The following HIF1A variants were observed in gnomAD, a reference collection of about 807,000 sequenced individuals.
HIF1A encodes the protein hypoxia inducible factor 1 subunit alpha, also known as hypoxia-inducible factor 1-alpha.
HIF1A carries 24 observed loss-of-function variants against 92.7 expected under a neutral mutation model. The observed-to-expected ratio is 0.26, with a 90% CI of 0.19 to 0.36. The LOEUF (loss-of-function observed/expected upper bound fraction) is 0.36. Among genes scored for constraint, HIF1A ranks in the 10% least tolerant of loss-of-function variants. The probability of loss-of-function intolerance (pLI) is 1.00; values close to 1 mark genes in which losing one functional copy is unlikely to be tolerated. For missense variants in HIF1A, 799 were observed against 998.5 expected (o/e 0.80, Z 2.69); for synonymous variants, 319 against 338.7 (o/e 0.94, Z 0.64).
intron 6 of HIF1A, 87 bp from the exon 7 acceptor site, chr14:61,732,331 T>C (rs2044585900): frequency 5.2e-6 from 4 of 763,776 alleles, no homozygotes; most frequent in African/African-American, 1.7e-5. Flanking sequence ...ATAAGATTAA[T>C]GCCTATCAGT....
At chr14:61,697,925 A>T in intron 1 of HIF1A, 1 of 1,520,034 alleles carries the variant, frequency 6.6e-7, no homozygotes. Flanking sequence ...CAAAACCTGA[A>T]GAATTGGAAG....
chr14:61,702,528 A>G (rs549506624), intron 1 of HIF1A, among the ~76,000 whole-genome samples: 14 of 151,668 alleles, frequency 9.2e-5, no homozygotes, highest in African/African-American at 3.4e-4. Context: ...AAGTTAAAGA[A>G]TCTCCTTTGA....
intron 1 of HIF1A, among the ~76,000 whole-genome samples, chr14:61,696,346 G>A (rs570028652): frequency 3.9e-5 from 6 of 152,376 alleles, no homozygotes; most frequent in African/African-American, 1.4e-4. Flanking sequence ...AGTGGACTTG[G>A]GGCCTTGAGT....
chr14:61,738,621 C>T (rs1029348861), intron 10 of HIF1A, among the ~76,000 whole-genome samples: 1 of 152,128 alleles, frequency 6.6e-6, no homozygotes, highest in Admixed American at 6.5e-5. Flanking sequence ...GTGAAACGTA[C>T]ATTGTTTCTC....
rs202183359 is a variant in HIF1A, at chr14:61,736,925, A to T, written c.1065A>T (p.Gln355His). The T allele has an allele frequency of 1.6e-4, 259 of 1,613,998 alleles. No individual in the cohort carries two copies. Among genetic ancestry groups the T allele is most frequent in the Admixed American group, 3.5e-4 (21 of 60,018 alleles). Residue 355 changes from glutamine to histidine, a missense_variant, in exon 9 of 15, where the codon CAA becomes CAT. Around this residue, in one of 2 missense-constraint regions of HIF1A, gnomAD observed 516 missense variants for 721.0 expected, o/e 0.72. Coordinates refer to ENST00000337138, the MANE Select transcript of HIF1A (RefSeq NM_001530.4). ...AGCACGACTTGATTTTCTCCCTTCA[A>T]CAAACAGAATGTGTCCTTAAACCGG... ...IIQHDLIFSL[Q>H]QTECVLKPVE... is the part of the protein sequence containing the mutation.
At chr14:61,724,349 T>TTCTCCCTCTCTC (rs2044472634) in intron 4 of HIF1A, among the ~76,000 whole-genome samples, 1 of 96,096 alleles carries the variant, frequency 1.0e-5, no homozygotes, top group African/African-American at 3.4e-5. Flanking sequence ...CACACACACA[T>TTCTCCCTCTCTC]TCTCTCTCTC....
intron 1 of HIF1A, among the ~76,000 whole-genome samples, chr14:61,718,090 G>T (rs571226002): frequency 1.3e-5 from 2 of 151,824 alleles, no homozygotes; most frequent in East Asian, 3.9e-4. Context: ...TTTCATTTGG[G>T]TAGTCATTTA....
rs138451482 is a variant in HIF1A, at chr14:61,738,260, G to T, written c.1423G>T (p.Ala475Ser). ...SADPALNQEV[A>S]LKLEPNPESL... ...TGACCCTGCACTCAATCAAGAAGTT[G>T]CATTAAAATTAGAACCAAATCCAGA... The change falls in exon 10 of 15, where the codon GCA becomes TCA. Residue 475 changes from alanine (A) to serine (S), a missense_variant. Ala to Ser is a moderately conservative substitution (Grantham distance 99, BLOSUM62 1). Transcript: ENST00000337138. 7.0e-4 allele frequency: 1,137 copies of T among 1,614,130 alleles called. 1 individual carries two copies. Among genetic ancestry groups the T allele is most frequent in the Admixed American group, 9.5e-4 (57 of 60,016 alleles).
Position 61,695,733 on chromosome 14 carries a change from G to A in HIF1A, c.-72G>A, listed in dbSNP as rs191035204. The A allele has an allele frequency of 1.5e-3, 2,266 of 1,507,650 alleles. 36 individuals are homozygous for A. In the African/African-American group the frequency reaches 0.027, roughly 18 times the overall value. The allele number at this position is 1,507,650 out of a possible 1,614,324, so 93.4% of individuals were successfully genotyped here. A position where few individuals can be genotyped will look rare whatever the true frequency, so the allele number is the denominator to read the frequency against. On this transcript the variant is annotated 5_prime_UTR_variant, in exon 1 of 15. Transcript: ENST00000337138. ...TTTCCTTCTCTTCTCCGCGTGTGGA[G>A]GGAGCCAGCGCTTAGGCCGGAGCGA...
chr14:61,745,879 T>G (rs1222434219), intron 14 of HIF1A, 62 bp downstream of exon 14: 34 of 1,397,830 alleles, frequency 2.4e-5, no homozygotes, highest in Non-Finnish European at 3.3e-5. Context: ...CATTTTTATT[T>G]AGGAGCTTTA....
chr14:61,727,663 A>T lies in HIF1A; in HGVS notation c.773+8A>T. ...TTCTTATTGTGATGAAAGGTAAATT[A>T]GATCTAAAATGTGAATTTGAAATTT... On this transcript the variant is annotated splice_region_variant and intron_variant, in intron 6 of 14. Transcript: ENST00000337138. The T allele has an allele frequency of 6.3e-7, 1 of 1,585,910 alleles. No homozygotes were observed. The highest frequency in any genetic ancestry group is 2.2e-5 in the East Asian group (1 of 44,736).
intron 8 of HIF1A, among the ~76,000 whole-genome samples, chr14:61,735,867 T>A (rs1351065913): frequency 6.6e-6 from 1 of 152,238 alleles, no homozygotes; most frequent in Non-Finnish European, 1.5e-5. Context: ...AGAGTTCTTT[T>A]GTGCCAATTT....
chr14:61,702,218 A>G (rs1192711379), intron 1 of HIF1A, among the ~76,000 whole-genome samples: 1 of 149,468 alleles, frequency 6.7e-6, no homozygotes, highest in Non-Finnish European at 1.5e-5. Flanking sequence ...ACCTGAGGTC[A>G]GGAGTTCAAG....
intron 1 of HIF1A, among the ~76,000 whole-genome samples, chr14:61,714,854 T>C (rs2044345398): frequency 6.6e-6 from 1 of 152,072 alleles, no homozygotes; most frequent in South Asian, 2.1e-4. Flanking sequence ...GCCAACATAA[T>C]GAAACCCCAT....
At chr14:61,734,924 G>T (rs927461555) in intron 8 of HIF1A, among the ~76,000 whole-genome samples, 5 of 152,104 alleles carry the variant, frequency 3.3e-5, no homozygotes, top group African/African-American at 1.2e-4. Flanking sequence ...AAAAAGAAAA[G>T]AAATTCTATG....
intron 1 of HIF1A, among the ~76,000 whole-genome samples, chr14:61,713,091 A>G (rs2044325772): frequency 6.6e-6 from 1 of 152,176 alleles, no homozygotes; most frequent in African/African-American, 2.4e-5. Context: ...CAGAAAGGAA[A>G]TACTATGGTG....
At chr14:61,733,445 CAAAT>C (rs1475658657) in intron 7 of HIF1A, among the ~76,000 whole-genome samples, 6 of 152,306 alleles carry the variant, frequency 3.9e-5, no homozygotes, top group South Asian at 2.1e-4. Context: ...GAATTTTACT[CAAAT>C]GAATGTTAAG....
intron 1 of HIF1A, among the ~76,000 whole-genome samples, chr14:61,699,614 A>G (rs1284507905): frequency 1.3e-5 from 2 of 152,150 alleles, no homozygotes; most frequent in Non-Finnish European, 2.9e-5. Flanking sequence ...AAAATACTGT[A>G]TCCCTTTATC....
At chr14:61,713,366 T>C (rs1319857348) in intron 1 of HIF1A, among the ~76,000 whole-genome samples, 2 of 152,194 alleles carry the variant, frequency 1.3e-5, no homozygotes, top group Admixed American at 6.5e-5. Context: ...ACGTATCATA[T>C]GCATCTTGGA....
Sources: allele counts gnomAD v4.1 joint callset (sites outside exome capture counted in the v4.1 genomes callset), GRCh38; gene constraint gnomAD v4.1.1; regional missense constraint gnomAD v4.1.1; transcripts MANE v1.5; gene names NCBI Gene and HGNC (gene_info 2026-07-23, HGNC 2026-07-21).